Variants in AGAP1 observed in about 807,000 individuals in gnomAD.
AGAP1 encodes ArfGAP with GTPase domain, ankyrin repeat and PH domain 1.
Under a neutral mutation model 105.3 loss-of-function variants are expected in AGAP1, and 29 were observed. That is an observed-to-expected ratio of 0.28 (90% confidence interval 0.21 to 0.38). The LOEUF (loss-of-function observed/expected upper bound fraction) is 0.38, where lower values mean the gene tolerates loss of function less well. AGAP1 is among the 10% of genes least tolerant of loss of function. AGAP1 has a pLI of 1.00. For synonymous variants in AGAP1, 509 were observed against 485.9 expected, an observed-to-expected ratio of 1.05 and a Z score of -0.63; for missense variants, 998 against 1,165.1, an observed-to-expected ratio of 0.86 and a Z score of 2.09.
chr2:236,130,454 A>G lies in AGAP1; in HGVS notation c.*6332A>G, dbSNP rs1313394670. ...TTGGGGAATCTTCCCAGTGGAGCAA[A>G]CCCCCTTAACACACCAGCTGTTGGG... On this transcript the variant is annotated 3_prime_UTR_variant, in exon 18 of 18. Transcript: ENST00000304032. This position sits in a 1 kb window ranked among gnomAD's most constrained non-coding sequence, Gnocchi z 5.8. The G allele has an allele frequency of 6.6e-6, 1 of 152,070 alleles. No homozygotes were observed. Among genetic ancestry groups the G allele is most frequent in the Non-Finnish European group, 1.5e-5 (1 of 68,038 alleles). 9.4% of individuals were successfully genotyped at this position (152,070 alleles called of 1,614,324 possible). A position where few individuals can be genotyped will look rare whatever the true frequency, so the allele number is the denominator to read the frequency against.
Position 235,752,681 on chromosome 2 carries a change from T to C in AGAP1, c.673+2193T>C, listed in dbSNP as rs75509806. Among the ~76,000 whole-genome samples the C allele has an allele frequency of 0.018, 2,800 of 152,292 alleles. 74 individuals carry two copies. Among genetic ancestry groups the C allele is most frequent in the African/African-American group, 0.057 (2,361 of 41,556 alleles). ...ACTCAGTTGTCTGGATAAGTTTAGT[T>C]TCCACAGTGACTCCTTTGCTTTTGT... On this transcript the variant is annotated intron_variant, in intron 6 of 17. Transcript: ENST00000304032. This position sits in a 1 kb window ranked among gnomAD's most constrained non-coding sequence, Gnocchi z 4.3.
chr2:235,877,995 G>A lies in AGAP1; in HGVS notation c.1051-5350G>A, dbSNP rs1197892066. Among the ~76,000 whole-genome samples, 1 of 152,212 alleles carries A rather than the reference G, an allele frequency of 6.6e-6. No individual in the cohort carries two copies. The highest frequency in any genetic ancestry group is 1.5e-5 in the Non-Finnish European group (1 of 68,032). ...GCCCAGACATTCAGGCACCTCCAGGGCCAGGCAGGAAGTGGGGCTGAGGGC... is the reference window on the plus strand; with the variant it reads ...GCCCAGACATTCAGGCACCTCCAGGACCAGGCAGGAAGTGGGGCTGAGGGC... On this transcript the variant is annotated intron_variant, in intron 9 of 17. Coordinates refer to ENST00000304032, the MANE Select transcript of AGAP1 (RefSeq NM_001037131.3). This position sits in a 1 kb window ranked among gnomAD's most constrained non-coding sequence, Gnocchi z 4.3.
intron 16 of AGAP1, among the ~76,000 whole-genome samples, chr2:236,063,785 G>T (rs1395987631): frequency 6.6e-6 from 1 of 152,298 alleles, no homozygotes; most frequent in East Asian, 1.9e-4. Context: ...GGCCCAGAAA[G>T]GGAGAACAGC....
At chr2:236,097,344 A>G (rs2059216054) in intron 16 of AGAP1, among the ~76,000 whole-genome samples, 1 of 143,706 alleles carries the variant, frequency 7.0e-6, no homozygotes, top group Non-Finnish European at 1.5e-5. Flanking sequence ...TTTAACTGTC[A>G]TGAAATATAC....
Position 236,012,075 on chromosome 2 carries a change from G to A in AGAP1, c.1646-24486G>A, listed in dbSNP as rs1292385799. Among the ~76,000 whole-genome samples the A allele has an allele frequency of 6.6e-6, 1 of 152,146 alleles. No individual in the cohort carries two copies. Among genetic ancestry groups the A allele is most frequent in the Non-Finnish European group, 1.5e-5 (1 of 68,038 alleles). On this transcript the variant is annotated intron_variant, in intron 13 of 17. Coordinates refer to ENST00000304032, the MANE Select transcript of AGAP1 (RefSeq NM_001037131.3). The surrounding 1 kb of genome is among the most constrained non-coding windows in gnomAD (Gnocchi z 4.9). The stretch of plus-strand genomic sequence containing the variant: ...TGCACATATCAGGACCTTGGTATCA[G>A]CTAGAAAACATCCATTTGTTTAAGG...
chr2:235,790,126 C>T (rs1229312793), intron 6 of AGAP1, among the ~76,000 whole-genome samples: 4 of 152,104 alleles, frequency 2.6e-5, no homozygotes, highest in Non-Finnish European at 5.9e-5. Context: ...ATGATGAAAG[C>T]CTCTTCTAGA....
At chr2:236,006,656 T>C (rs1227402509) in intron 13 of AGAP1, among the ~76,000 whole-genome samples, 1 of 152,202 alleles carries the variant, frequency 6.6e-6, no homozygotes, top group East Asian at 1.9e-4. Context: ...GGAAACATAA[T>C]ACTTTACATT....
Position 235,599,862 on chromosome 2 carries a change from G to A in AGAP1, c.163+105013G>A, listed in dbSNP as rs1049849817. The stretch of plus-strand genomic sequence containing the variant: ...GTCAGTCGCCCCTGGTGGAGGCAAT[G>A]CTGGTACCCACGACGTGGAGCCCTG... On this transcript the variant is annotated intron_variant, in intron 1 of 17. Coordinates refer to ENST00000304032, the MANE Select transcript of AGAP1 (RefSeq NM_001037131.3). This position sits in a 1 kb window ranked among gnomAD's most constrained non-coding sequence, Gnocchi z 5.3. Among the ~76,000 whole-genome samples the A allele has an allele frequency of 6.6e-6, 1 of 152,198 alleles. No homozygotes were observed.
chr2:236,053,337 C>T lies in AGAP1; in HGVS notation c.2114+4056C>T, dbSNP rs1048379791. Among the ~76,000 whole-genome samples the T allele has an allele frequency of 6.6e-6, 1 of 152,216 alleles. No homozygotes were observed. Among genetic ancestry groups the T allele is most frequent in the Non-Finnish European group, 1.5e-5 (1 of 68,040 alleles). On this transcript the variant is annotated intron_variant, in intron 16 of 17. Transcript: ENST00000304032. This position sits in a 1 kb window ranked among gnomAD's most constrained non-coding sequence, Gnocchi z 4.6. ...CACATGTCAGGTGCTCTTGCTACTT[C>T]GGGGCCTTGGAATTCCTCATGTGAG...
At chr2:235,540,907 G>A (rs1574805656) in intron 1 of AGAP1, among the ~76,000 whole-genome samples, 2 of 152,198 alleles carry the variant, frequency 1.3e-5, no homozygotes, top group South Asian at 4.1e-4. Context: ...AGGGATGTTT[G>A]CAGCCACTTT....
At position 235,900,361 on chromosome 2, in the gene AGAP1, A is replaced by G. The variant is rs1469246703; in HGVS notation, c.1156-8377A>G. ...AGGAGCCCAAAGTGGCCAGGTGACAATCTTACAGTTTAATGGAATTGTTGT... is the reference window on the plus strand; with the variant it reads ...AGGAGCCCAAAGTGGCCAGGTGACAGTCTTACAGTTTAATGGAATTGTTGT... On this transcript the variant is annotated intron_variant, in intron 10 of 17. Transcript: ENST00000304032. The surrounding 1 kb of genome is among the most constrained non-coding windows in gnomAD (Gnocchi z 5.5). Among the ~76,000 whole-genome samples, 1 of 151,532 alleles carries G rather than the reference A, an allele frequency of 6.6e-6. No homozygotes were observed. Among genetic ancestry groups the G allele is most frequent in the African/African-American group, 2.4e-5 (1 of 41,214 alleles).
rs116015381 is a variant in AGAP1 at position 235,803,808 on chromosome 2, A to T, written c.958-3431A>T. 2.7e-3 allele frequency among the ~76,000 whole-genome samples: 407 copies of T among 152,374 alleles called. 4 individuals carry two copies. The highest frequency in any genetic ancestry group is 9.1e-3 in the African/African-American group (380 of 41,582). On this transcript the variant is annotated intron_variant, in intron 8 of 17. Transcript: ENST00000304032. Reference sequence around the variant, plus strand: ...AGTCCAAATTATATGTTACATTTGCAGTAGGAATTCTACTTTACTAATCAA... The same window carrying T: ...AGTCCAAATTATATGTTACATTTGCTGTAGGAATTCTACTTTACTAATCAA...
At chr2:235,837,559 A>G (rs1369493974) in intron 9 of AGAP1, among the ~76,000 whole-genome samples, 1 of 152,158 alleles carries the variant, frequency 6.6e-6, no homozygotes, top group Admixed American at 6.5e-5. Context: ...CAGTTAACTC[A>G]GGTGCAGAAT....
chr2:235,837,707 A>C (rs779255823), intron 9 of AGAP1, among the ~76,000 whole-genome samples: 6 of 152,200 alleles, frequency 3.9e-5, no homozygotes, highest in Non-Finnish European at 8.8e-5. Context: ...ATTCCTGTGA[A>C]AGTAACCACA....
intron 10 of AGAP1, among the ~76,000 whole-genome samples, chr2:235,903,410 T>A (rs1389367598): frequency 6.6e-6 from 1 of 152,230 alleles, no homozygotes; most frequent in Non-Finnish European, 1.5e-5. Flanking sequence ...ATGCCAATCA[T>A]ATAGTGTATG....
chr2:235,656,913 C>T (rs1031693123), intron 1 of AGAP1, among the ~76,000 whole-genome samples: 1 of 152,086 alleles, frequency 6.6e-6, no homozygotes. Context: ...ACTAGGGGTC[C>T]CCACTGAAAT....
rs368772577 is a variant in AGAP1 at position 235,864,730 on chromosome 2, A to G, written c.1051-18615A>G. Among the ~76,000 whole-genome samples the G allele has an allele frequency of 1.7e-4, 26 of 151,564 alleles. No homozygotes were observed. The East Asian group carries it at 1.7e-3, about 10-fold the overall frequency. Reference sequence around the variant, plus strand: ...GAGGGGATCTGTCAGTCCTGGTGGGAAAAAAAAACATTTTGTTTTTCTTAG... The same window carrying G: ...GAGGGGATCTGTCAGTCCTGGTGGGGAAAAAAAACATTTTGTTTTTCTTAG... On this transcript the variant is annotated intron_variant, in intron 9 of 17. Coordinates refer to ENST00000304032, the MANE Select transcript of AGAP1 (RefSeq NM_001037131.3). The surrounding 1 kb of genome is among the most constrained non-coding windows in gnomAD (Gnocchi z 5.0).
rs746689125 is a variant in AGAP1 at position 235,740,072 on chromosome 2, G to A, written c.311-891G>A. Among the ~76,000 whole-genome samples the A allele has an allele frequency of 1.3e-5, 2 of 152,204 alleles. No individual in the cohort carries two copies. The highest frequency in any genetic ancestry group is 6.5e-5 in the Admixed American group (1 of 15,278). On this transcript the variant is annotated intron_variant, in intron 3 of 17. Coordinates refer to ENST00000304032, the MANE Select transcript of AGAP1 (RefSeq NM_001037131.3). This position sits in a 1 kb window ranked among gnomAD's most constrained non-coding sequence, Gnocchi z 5.7. ...CGAATCCCCATGAGGGTTCCCTAGCGTGGTCTCAGAGCCCAGGATCTGGAG... is the reference window on the plus strand; with the variant it reads ...CGAATCCCCATGAGGGTTCCCTAGCATGGTCTCAGAGCCCAGGATCTGGAG...
chr2:235,580,629 G>C (rs1255278952), intron 1 of AGAP1, among the ~76,000 whole-genome samples: 1 of 152,184 alleles, frequency 6.6e-6, no homozygotes, highest in Non-Finnish European at 1.5e-5. Flanking sequence ...AGGAGTTCTT[G>C]AAGCTGAGTT....
Sources: gnomAD v4.1 joint callset for allele counts (sites outside exome capture counted in the v4.1 genomes callset) on GRCh38, gnomAD v4.1.1 for gene constraint, Gnocchi (gnomAD v3.1) non-coding constraint, MANE v1.5 for transcripts, NCBI Gene and HGNC (gene_info 2026-07-23, HGNC 2026-07-21) for gene names.